The following INTU variants were observed in gnomAD, a reference collection of about 807,000 sequenced individuals.
INTU encodes the protein inturned planar cell polarity protein.
INTU carries 68 observed loss-of-function variants against 100.5 expected under a neutral mutation model. The ratio of observed to expected loss-of-function variants is 0.68; its 90% CI spans 0.56 to 0.83. INTU has a LOEUF of 0.83. INTU is among the 40% of genes least tolerant of loss of function. The pLI is 0.00. For synonymous variants in INTU, 357 were observed against 395.7 expected (o/e 0.90, Z 1.16); for missense variants, 1,071 against 1,114.7 (o/e 0.96, Z 0.56).
chr4:127,653,565 G>C (rs1187153261), intron 2 of INTU, among the ~76,000 whole-genome samples: 1 of 152,180 alleles, frequency 6.6e-6, no homozygotes, highest in East Asian at 1.9e-4. Flanking sequence ...GTTGTAGTTT[G>C]ATTGCACTGT....
At chr4:127,713,110 C>A (rs1223995608) in intron 14 of INTU, among the ~76,000 whole-genome samples, 6 of 152,192 alleles carry the variant, frequency 3.9e-5, no homozygotes, top group Non-Finnish European at 8.8e-5. Flanking sequence ...ATGATACATT[C>A]TTGAACAGTT....
At chr4:127,705,526 G>A (rs1267800762) in intron 10 of INTU, 65 bp from the exon 11 acceptor site, 2 of 1,213,442 alleles carry the variant, frequency 1.6e-6, no homozygotes, top group Non-Finnish European at 2.4e-6. Context: ...GAAACTCTTA[G>A]AAATATTATG....
intron 2 of INTU, among the ~76,000 whole-genome samples, chr4:127,655,876 C>T (rs1461318906): frequency 3.9e-5 from 6 of 152,170 alleles, no homozygotes; most frequent in Admixed American, 2.6e-4. Context: ...ATCAGCGAGA[C>T]TCCGTGGGCG....
At chr4:127,703,051 A>G (rs1730717560) in intron 9 of INTU, among the ~76,000 whole-genome samples, 1 of 152,126 alleles carries the variant, frequency 6.6e-6, no homozygotes, top group Admixed American at 6.5e-5. Flanking sequence ...GACACTCCAC[A>G]TGTGTCTTGA....
At chr4:127,709,849 AAAAC>A (rs768872410) in intron 13 of INTU, among the ~76,000 whole-genome samples, 31 of 152,322 alleles carry the variant, frequency 2.0e-4, no homozygotes, top group Admixed American at 5.9e-4. Context: ...AGTCAAGACA[AAAAC>A]AAAGTAACTT....
rs1442016097 is a variant in INTU, at chr4:127,705,790, A to AT, written c.1772dup (p.Leu591PhefsTer54). On this transcript the variant is annotated frameshift_variant, in exon 11 of 16. Transcript: ENST00000335251. LOFTEE classifies it high-confidence loss of function. ...GTCTTTCCGGAACCTGAAGGAAGATATTTTTTGCTAGTTGTTGGCTTGGTA... is the reference window on the plus strand; with the variant it reads ...GTCTTTCCGGAACCTGAAGGAAGATATTTTTTTGCTAGTTGTTGGCTTGGTA... 1 of 1,613,790 alleles carries AT rather than the reference A, an allele frequency of 6.2e-7. No individual in the cohort carries two copies. The highest frequency in any genetic ancestry group is 8.5e-7 in the Non-Finnish European group (1 of 1,179,854).
chr4:127,672,217 C>T (rs1169231246), intron 5 of INTU, among the ~76,000 whole-genome samples: 1 of 152,146 alleles, frequency 6.6e-6, no homozygotes, highest in Non-Finnish European at 1.5e-5. Flanking sequence ...CCTCATCAAA[C>T]TCAATTTTAA....
Position 127,706,741 on chromosome 4 carries a change from A to G in INTU, c.2043A>G (p.Gln681=). 1 of 1,614,118 alleles carries G rather than the reference A, an allele frequency of 6.2e-7. No homozygotes were observed. The highest frequency in any genetic ancestry group is 8.5e-7 in the Non-Finnish European group (1 of 1,179,982). Reference sequence around the variant, plus strand: ...CTTCGCCTATTCTCAGTAGGCTACAAGGTACTTCCAAAGTAGCAACTTCTC... The same window carrying G: ...CTTCGCCTATTCTCAGTAGGCTACAGGGTACTTCCAAAGTAGCAACTTCTC... ...LTTSPILSRL[Q]GTSKVATSPT... is the part of the protein sequence containing the mutation. The change falls in exon 12 of 16, where the codon CAA becomes CAG. Residue 681 remains glutamine (Q), a synonymous_variant. Coordinates refer to ENST00000335251, the MANE Select transcript of INTU (RefSeq NM_015693.4).
At chr4:127,683,452 A>C (rs1206202384) in intron 6 of INTU, among the ~76,000 whole-genome samples, 1 of 152,196 alleles carries the variant, frequency 6.6e-6, no homozygotes, top group Non-Finnish European at 1.5e-5. Flanking sequence ...GCACCTCTTC[A>C]GTGTCAACTT....
chr4:127,639,698 A>T (rs1385183330), intron 1 of INTU, among the ~76,000 whole-genome samples: 1 of 152,122 alleles, frequency 6.6e-6, no homozygotes, highest in East Asian at 1.9e-4. Flanking sequence ...AGACATATAC[A>T]TTGTATAGTG....
At chr4:127,695,539 G>A (rs183845093) in intron 8 of INTU, among the ~76,000 whole-genome samples, 1 of 152,242 alleles carries the variant, frequency 6.6e-6, no homozygotes, top group East Asian at 1.9e-4. Flanking sequence ...TCTGGGAGGC[G>A]GAGGCTCCTT....
At chr4:127,654,005 T>C (rs1161761783) in intron 2 of INTU, among the ~76,000 whole-genome samples, 1 of 151,138 alleles carries the variant, frequency 6.6e-6, no homozygotes. Flanking sequence ...TTGATCTTTG[T>C]TGGTTTAAAG....
rs574175013 is a variant in INTU, at chr4:127,723,247, C to G, written c.*6811C>G. 1.8e-4 allele frequency: 27 copies of G among 152,148 alleles called. No individual in the cohort carries two copies. Among genetic ancestry groups the G allele is most frequent in the African/African-American group, 6.5e-4 (27 of 41,494 alleles). 9.4% of individuals were successfully genotyped at this position (152,148 alleles called of 1,614,324 possible). A position where few individuals can be genotyped will look rare whatever the true frequency, so the allele number is the denominator to read the frequency against. Reference sequence around the variant, plus strand: ...GTTTGCTTGCTCTCCGTGGGTCATGCCAGCCACCTAGCAGTCCCAATAAGA... The same window carrying G: ...GTTTGCTTGCTCTCCGTGGGTCATGGCAGCCACCTAGCAGTCCCAATAAGA... On this transcript the variant is annotated 3_prime_UTR_variant, in exon 16 of 16. Transcript: ENST00000335251.
At position 127,643,681 on chromosome 4, in the gene INTU, GA is replaced by G. The variant is rs779523169; in HGVS notation, c.310del (p.Arg104GlufsTer15). On this transcript the variant is annotated frameshift_variant, in exon 2 of 16. Transcript: ENST00000335251. LOFTEE classifies it high-confidence loss of function. ...GATTATCATTGAAGATGACTACAAA[GA>G]AAGAAAAAAGTATGAACCCAAACTC... is the stretch of plus-strand genomic sequence containing the variant. ...NEIIIEDDYKERKKYEPKLKQ... is the reference protein window; with the variant it reads ...NEIIIEDDYKXRKKYEPKLKQ... 4.3e-5 allele frequency: 69 copies of G among 1,611,822 alleles called. No homozygotes were observed. The highest frequency in any genetic ancestry group is 5.7e-5 in the Non-Finnish European group (67 of 1,179,480).
chr4:127,676,718 A>G (rs1703424612), intron 6 of INTU, among the ~76,000 whole-genome samples: 1 of 152,200 alleles, frequency 6.6e-6, no homozygotes, highest in Admixed American at 6.5e-5. Flanking sequence ...TACCGGGTTC[A>G]TCTCACTAGG....
rs895457752 is a variant in INTU, at chr4:127,704,077, C to T, written c.1504-151C>T. 2.0e-5 allele frequency: 12 copies of T among 595,056 alleles called. No individual in the cohort carries two copies. The Admixed American group carries it at 2.0e-4, about 10-fold the overall frequency. The allele number at this position is 595,056 out of a possible 1,614,324, so 36.9% of individuals were successfully genotyped here. ...AAACGTATGCATATTGTATTTCATC[C>T]TAATATTCTGGTATATTGATTTCTA... On this transcript the variant is annotated intron_variant, in intron 9 of 15. Transcript: ENST00000335251.
chr4:127,721,976 C>G lies in INTU; in HGVS notation c.*5540C>G, dbSNP rs1731352491. 3 of 152,234 alleles carry G rather than the reference C, an allele frequency of 2.0e-5. No individual in the cohort carries two copies. The highest frequency in any genetic ancestry group is 6.5e-5 in the Admixed American group (1 of 15,280). 9.4% of individuals were successfully genotyped at this position (152,234 alleles called of 1,614,324 possible). The stretch of plus-strand genomic sequence containing the variant: ...ATGGATGATTGACATTCATCCATCT[C>G]AGCCTCAGCCCAGTTCTGTGCCCTT... On this transcript the variant is annotated 3_prime_UTR_variant, in exon 16 of 16. Transcript: ENST00000335251.
chr4:127,655,689 C>T (rs1728165537), intron 2 of INTU, among the ~76,000 whole-genome samples: 1 of 151,850 alleles, frequency 6.6e-6, no homozygotes, highest in South Asian at 2.1e-4. Context: ...TGTCTGTGCC[C>T]TGCCCCCAGA....
chr4:127,660,869 G>A (rs2126197545), intron 3 of INTU, among the ~76,000 whole-genome samples: 1 of 152,080 alleles, frequency 6.6e-6, no homozygotes, highest in South Asian at 2.1e-4. Flanking sequence ...TTTAATAAAA[G>A]TTTTTCCCTA....
Sources: gnomAD v4.1 joint callset for allele counts (sites outside exome capture counted in the v4.1 genomes callset) on GRCh38, gnomAD v4.1.1 for gene constraint, MANE v1.5 for transcripts, NCBI Gene and HGNC (gene_info 2026-07-23, HGNC 2026-07-21) for gene names.